ZNF396: variants seen among roughly 807,000 people sequenced by gnomAD.
ZNF396 encodes zinc finger and SCAN domain-containing protein 14.
Under a neutral mutation model 20.5 loss-of-function variants are expected in ZNF396, and 14 were observed. That is an observed-to-expected ratio of 0.68 (90% CI 0.45 to 1.07). The LOEUF is 1.07. ZNF396 is among the 50% of genes least tolerant of loss of function. The pLI is 0.00. For missense variants in ZNF396, 347 were observed against 390.1 expected, an observed-to-expected ratio of 0.89 and a Z score of 0.93; for synonymous variants, 119 against 140.6, an observed-to-expected ratio of 0.85 and a Z score of 1.08.
chr18:35,370,149 T>C (rs1355073076), intron 3 of ZNF396, among the ~76,000 whole-genome samples: 1 of 151,852 alleles, frequency 6.6e-6, no homozygotes, highest in African/African-American at 2.4e-5. Flanking sequence ...AGTAAGAAAA[T>C]ATAAGTTAGG....
intron 3 of ZNF396, chr18:35,372,389 G>GC (rs2045195183): frequency 6.6e-6 from 1 of 152,210 alleles, no homozygotes; most frequent in South Asian, 2.1e-4. Context: ...CCTTCAGAGA[G>GC]CCAGTACTTG....
chr18:35,373,257 T>C (rs898252319), intron 3 of ZNF396, 199 bp downstream of exon 3: 18 of 615,226 alleles, frequency 2.9e-5, no homozygotes, highest in Middle Eastern at 4.5e-4. Flanking sequence ...AGTCTGAAGA[T>C]TTTATAAGAA....
chr18:35,369,430 C>T lies in ZNF396; in HGVS notation c.793G>A (p.Ala265Thr). 6.2e-7 allele frequency: 1 copy of T among 1,614,180 alleles called. No homozygotes were observed. Among genetic ancestry groups the T allele is most frequent in the Middle Eastern group, 1.6e-4 (1 of 6,062 alleles). ...TGGATTCTCTGATGTAAAATAAGGG[C>T]TGAGCTCTGACTAAAGATTTTGCCA... ...ECGKIFSQSS[A>T]LILHQRIHSG... The change falls in exon 4 of 4, where the codon GCC becomes ACC. Residue 265 changes from alanine (A) to threonine (T), a missense_variant. Coordinates refer to ENST00000589332, the MANE Select transcript of ZNF396 (RefSeq NM_001322286.2).
rs779040566 is a variant in ZNF396 at position 35,369,611 on chromosome 18, A to C, written c.612T>G (p.Thr204=). Residue 204 remains threonine, a synonymous_variant, in exon 4 of 4, where the codon ACT becomes ACG. Coordinates refer to ENST00000589332, the MANE Select transcript of ZNF396 (RefSeq NM_001322286.2). The part of the protein sequence containing the change: ...TNVKSASRQK[T]SLGIELHCNV... ...TGCAATGCAGTTCTATGCCTAAAGA[A>C]GTCTTTTGCCTTGAAGCAGATTTCA... 4 of 1,610,328 alleles carry C rather than the reference A, an allele frequency of 2.5e-6. No individual in the cohort carries two copies. Among genetic ancestry groups the C allele is most frequent in the Non-Finnish European group, 3.4e-6 (4 of 1,179,020 alleles).
intron 1 of ZNF396, chr18:35,376,373 TA>T (rs2045257570): frequency 1.3e-5 from 2 of 152,194 alleles, no homozygotes; most frequent in Non-Finnish European, 2.9e-5. Context: ...TAAATCCTCA[TA>T]AAAGCCCTAG....
chr18:35,373,700 G>A, intron 2 of ZNF396, 100 bp from the exon 3 acceptor site: 1 of 1,523,030 alleles, frequency 6.6e-7, no homozygotes, highest in Non-Finnish European at 8.8e-7. Context: ...ATGGACACAG[G>A]AAAAGGGAGG....
chr18:35,369,486 G>C lies in ZNF396; in HGVS notation c.737C>G (p.Ser246Cys). 1 of 1,614,158 alleles carries C rather than the reference G, an allele frequency of 6.2e-7. No homozygotes were observed. The highest frequency in any genetic ancestry group is 8.5e-7 in the Non-Finnish European group (1 of 1,180,030). Residue 246 changes from serine to cysteine, a missense_variant, in exon 4 of 4, where the codon TCT (serine) becomes TGT (cysteine). Ser to Cys is a moderately radical substitution (Grantham distance 112). Coordinates refer to ENST00000589332, the MANE Select transcript of ZNF396 (RefSeq NM_001322286.2). ...GRFEKRQGNP[S>C]WKKQQKCDEC... ...ATCACATTTCTGTTGTTTTTTCCAA[G>C]AAGGGTTTCCTTGTCTCTTTTCAAA...
In ZNF396 at chr18:35,369,659, A is replaced by G; in HGVS notation, c.564T>C (p.Asp188=). Residue 188 remains aspartate, a splice_region_variant and synonymous_variant, in exon 4 of 4, where the codon GAT becomes GAC. Transcript: ENST00000589332. ...SWELQSLRPH[D]EDIKTTNVKS... ...TCACATTTGTAGTTTTGATGTCTTCATCTGAAATGGAAAAACAAATGTCAC... is the reference window on the plus strand; with the variant it reads ...TCACATTTGTAGTTTTGATGTCTTCGTCTGAAATGGAAAAACAAATGTCAC... 1 of 1,585,142 alleles carries G rather than the reference A, an allele frequency of 6.3e-7. No homozygotes were observed. Among genetic ancestry groups the G allele is most frequent in the Non-Finnish European group, 8.6e-7 (1 of 1,169,372 alleles).
Position 35,369,288 on chromosome 18 carries a change from C to G in ZNF396, c.935G>C (p.Cys312Ser), listed in dbSNP as rs139312528. ...TGAGCTCTGACTAAAGGCTTTGCCACAGTCATGACACTTGTAGGGCTTCTC... is the reference window on the plus strand; with the variant it reads ...TGAGCTCTGACTAAAGGCTTTGCCAGAGTCATGACACTTGTAGGGCTTCTC... ...TGEKPYKCHD[C>S]GKAFSQSSNL... Residue 312 changes from cysteine to serine, a missense_variant, in exon 4 of 4, where the codon TGT (cysteine) becomes TCT (serine). Transcript: ENST00000589332. The G allele has an allele frequency of 7.6e-5, 122 of 1,614,048 alleles. No homozygotes were observed. The African/African-American group carries it at 1.3e-3, about 18-fold the overall frequency.
At position 35,374,239 on chromosome 18, in the gene ZNF396, C is replaced by G. The variant is rs758121706; in HGVS notation, c.54G>C (p.Glu18Asp). The change falls in exon 2 of 4, where the codon GAG (glutamate) becomes GAC (aspartate). Residue 18 changes from glutamate (E) to aspartate (D), a missense_variant. Transcript: ENST00000589332. This position sits in a 1 kb window ranked among gnomAD's most constrained non-coding sequence, Gnocchi z 4.3. The stretch of plus-strand genomic sequence containing the variant: ...TCTTCTCTGTCAGAATCCCATTACA[C>G]TCCTCTGAAGTTTGTGTTAGGAGTG... Reference protein sequence around the residue: ...SSSLLTQTSEECNGILTEKME... With the variant: ...SSSLLTQTSEDCNGILTEKME... 12 of 1,614,224 alleles carry G rather than the reference C, an allele frequency of 7.4e-6. No individual in the cohort carries two copies. The highest frequency in any genetic ancestry group is 1.3e-5 in the African/African-American group (1 of 75,066).
intron 3 of ZNF396, chr18:35,372,796 G>A (rs1426535888): frequency 6.6e-6 from 1 of 152,214 alleles, no homozygotes; most frequent in Non-Finnish European, 1.5e-5. Flanking sequence ...GTCTGAAGCA[G>A]GAGCAGTCAC....
Position 35,373,598 on chromosome 18 carries a change from G to A in ZNF396, c.420C>T (p.Ile140=). ...VERELDGPKQ[I]FFGRRKDMIA... is the part of the protein sequence containing the mutation. ...TCATGTCCTTCCTTCGTCCAAAAAA[G>A]ATCTAAAAACAGGAATAATTGAGGC... The change falls in exon 3 of 4, where the codon ATC becomes ATT. Residue 140 remains isoleucine, a splice_region_variant and synonymous_variant. Coordinates refer to ENST00000589332, the MANE Select transcript of ZNF396 (RefSeq NM_001322286.2). 1 of 1,613,574 alleles carries A rather than the reference G, an allele frequency of 6.2e-7. No homozygotes were observed. The highest frequency in any genetic ancestry group is 8.5e-7 in the Non-Finnish European group (1 of 1,179,824).
In ZNF396 at chr18:35,368,998, G is replaced by A; in HGVS notation, c.*217C>T. The A allele has an allele frequency of 7.6e-7, 1 of 1,319,080 alleles. No individual in the cohort carries two copies. Among genetic ancestry groups the A allele is most frequent in the Non-Finnish European group, 9.6e-7 (1 of 1,039,586 alleles). 81.7% of individuals were successfully genotyped at this position (1,319,080 alleles called of 1,614,324 possible). ...GGGATGGAAATCTGAATTAAGCTTT[G>A]GAATTGCAAACGTCAGAATTGAGAC... is the stretch of plus-strand genomic sequence containing the variant. On this transcript the variant is annotated 3_prime_UTR_variant, in exon 4 of 4. Transcript: ENST00000589332.
At chr18:35,376,812 G>A (rs1173671087) in intron 1 of ZNF396, among the ~76,000 whole-genome samples, 57 of 152,308 alleles carry the variant, frequency 3.7e-4, no homozygotes, top group Non-Finnish European at 2.1e-4. Context: ...GACACCGCAC[G>A]ACAACCAGAA....
intron 3 of ZNF396, among the ~76,000 whole-genome samples, chr18:35,370,327 A>G (rs1301303024): frequency 6.6e-6 from 1 of 152,034 alleles, no homozygotes; most frequent in Non-Finnish European, 1.5e-5. Flanking sequence ...TGAAAAACGT[A>G]CATGGCTGCT....
In ZNF396 at chr18:35,373,457, A is replaced by G; in HGVS notation, c.561T>C (p.His187=). 6.2e-7 allele frequency: 1 copy of G among 1,613,316 alleles called. No homozygotes were observed. The highest frequency in any genetic ancestry group is 1.1e-5 in the South Asian group (1 of 90,956). The change falls in exon 3 of 4, where the codon CAT becomes CAC. Residue 187 remains histidine, a splice_region_variant and synonymous_variant. Transcript: ENST00000589332. ...ATGAACTGAATCCTGCCCCCTCACC[A>G]TGTGGTCTTAAGGACTGAAGCTCCC... is the stretch of plus-strand genomic sequence containing the variant. The part of the protein sequence containing the change: ...ASWELQSLRP[H]DEDIKTTNVK...
intron 1 of ZNF396, among the ~76,000 whole-genome samples, chr18:35,375,252 C>G (rs2045240101): frequency 6.7e-6 from 1 of 148,694 alleles, no homozygotes; most frequent in Admixed American, 6.7e-5. Flanking sequence ...TGGGACCAGC[C>G]TGTGCAACAT....
chr18:35,376,549 G>A (rs964430188), intron 1 of ZNF396, among the ~76,000 whole-genome samples: 1 of 152,166 alleles, frequency 6.6e-6, no homozygotes, highest in African/African-American at 2.4e-5. Flanking sequence ...ACCCCTGCGC[G>A]TTGTCTCAGC....
chr18:35,376,202 C>T (rs1485611462), intron 1 of ZNF396: 1 of 152,108 alleles, frequency 6.6e-6, no homozygotes, highest in Non-Finnish European at 1.5e-5. Context: ...TTGTTCTAGG[C>T]CCTGTATAAA....
Sources: allele counts gnomAD v4.1 joint callset (sites outside exome capture counted in the v4.1 genomes callset), GRCh38; gene constraint gnomAD v4.1.1; non-coding constraint Gnocchi (gnomAD v3.1); transcripts MANE v1.5; gene names NCBI Gene and HGNC (gene_info 2026-07-23, HGNC 2026-07-21).